GATAD2A: variants seen among roughly 807,000 people sequenced by gnomAD.
The protein encoded by GATAD2A is transcriptional repressor p66-alpha.
In GATAD2A, 12 loss-of-function variants were observed where a neutral mutation model predicts 68.5. The ratio of observed to expected loss-of-function variants is 0.18; its 90% confidence interval spans 0.11 to 0.28. GATAD2A has a LOEUF of 0.28. GATAD2A is among the 10% of genes least tolerant of loss of function. The pLI, the probability that GATAD2A is intolerant of heterozygous loss-of-function variation, is 1.00. For synonymous variants in GATAD2A, 410 were observed against 375.3 expected, an observed-to-expected ratio of 1.09 and a Z score of -1.07; for missense variants, 755 against 868.5, an observed-to-expected ratio of 0.87 and a Z score of 1.64.
At chr19:19,398,656 G>A (rs918070447) in intron 1 of GATAD2A, among the ~76,000 whole-genome samples, 2 of 151,764 alleles carry the variant, frequency 1.3e-5, no homozygotes, top group African/African-American at 4.8e-5. Flanking sequence ...ACTTACTTTC[G>A]GCTGGGTGTG....
intron 2 of GATAD2A, among the ~76,000 whole-genome samples, chr19:19,472,209 T>A (rs116890892): frequency 0.016 from 2,482 of 152,326 alleles, 80 homozygotes; most frequent in South Asian, 0.085. Context: ...CTTTCTGTTT[T>A]GTTTTTGTGA....
upstream of GATAD2A, chr19:19,401,914 C>T (rs1458719279): frequency 2.0e-5 from 3 of 152,106 alleles, no homozygotes; most frequent in Non-Finnish European, 4.4e-5. Flanking sequence ...GGGACAGGCT[C>T]AGGTGGTGTT....
Position 19,462,523 on chromosome 19 carries a change from T to TCAGTGC in GATAD2A, c.-6-2815_-6-2810dup, listed in dbSNP as rs1374444621. Among the ~76,000 whole-genome samples, 10 of 152,320 alleles carry TCAGTGC rather than the reference T, an allele frequency of 6.6e-5. No individual in the cohort carries two copies. In the East Asian group the frequency reaches 1.9e-3, roughly 29 times the overall value. ...CAGGCGGGCGCTGTGAGGCCAGCCG[T>TCAGTGC]CAGTGCCGGGCCTGGGATTGGCAGA... On this transcript the variant is annotated intron_variant, in intron 1 of 11. Coordinates refer to ENST00000683918, the MANE Select transcript of GATAD2A (RefSeq NM_001384528.1).
At chr19:19,418,734 A>G (rs1031105090) in intron 1 of GATAD2A, among the ~76,000 whole-genome samples, 1 of 152,138 alleles carries the variant, frequency 6.6e-6, no homozygotes, top group Non-Finnish European at 1.5e-5. Flanking sequence ...TGTTTCATGC[A>G]CTGCTCAAAT....
intron 1 of GATAD2A, among the ~76,000 whole-genome samples, chr19:19,419,177 C>G (rs2052024667): frequency 6.9e-6 from 1 of 145,486 alleles, no homozygotes; most frequent in East Asian, 1.9e-4. Flanking sequence ...GCACACACTC[C>G]CTGTCGAGGG....
At chr19:19,492,554 T>C in intron 3 of GATAD2A, 27 bp from the exon 4 acceptor site, 1 of 1,613,866 alleles carries the variant, frequency 6.2e-7, no homozygotes. Context: ...ACGCTCCCTC[T>C]CAACCCTGTT....
Position 19,507,211 on chromosome 19 carries a change from A to C in GATAD2A, c.*1737A>C, listed in dbSNP as rs1251489972. ...GATTTGGGGAAAAGGAAGGAATTTGATGTTTTTTGGGGTGGGAGGGGAGGG... is the reference window on the plus strand; with the variant it reads ...GATTTGGGGAAAAGGAAGGAATTTGCTGTTTTTTGGGGTGGGAGGGGAGGG... On this transcript the variant is annotated 3_prime_UTR_variant, in exon 12 of 12. Coordinates refer to ENST00000683918, the MANE Select transcript of GATAD2A (RefSeq NM_001384528.1). The C allele has an allele frequency of 1.8e-5, 2 of 110,816 alleles. No individual in the cohort carries two copies. The highest frequency in any genetic ancestry group is 3.5e-5 in the Non-Finnish European group (2 of 56,364). 6.9% of individuals were successfully genotyped at this position (110,816 alleles called of 1,614,324 possible).
chr19:19,505,952 T>C lies in GATAD2A; in HGVS notation c.*478T>C. 1 of 399,004 alleles carries C rather than the reference T, an allele frequency of 2.5e-6. No individual in the cohort carries two copies. The highest frequency in any genetic ancestry group is 4.4e-6 in the Non-Finnish European group (1 of 226,242). 24.7% of individuals were successfully genotyped at this position (399,004 alleles called of 1,614,324 possible). On this transcript the variant is annotated 3_prime_UTR_variant, in exon 12 of 12. Transcript: ENST00000683918. ...CTCCCAGTCTTTGACTGCCTTCCCA[T>C]GGCGATCTATAAGTTGAAAGATTTT...
Position 19,498,500 on chromosome 19 carries a change from C to T in GATAD2A, c.982C>T (p.Pro328Ser). The T allele has an allele frequency of 1.2e-6, 2 of 1,613,802 alleles. No individual in the cohort carries two copies. The highest frequency in any genetic ancestry group is 1.3e-5 in the African/African-American group (1 of 75,072). Residue 328 changes from proline (P) to serine (S), a missense_variant, in exon 8 of 12, where the codon CCC (proline) becomes TCC (serine). Pro to Ser is a moderately conservative substitution (Grantham distance 74). Coordinates refer to ENST00000683918, the MANE Select transcript of GATAD2A (RefSeq NM_001384528.1). ...TATSAQANST[P>S]TSVASVVTSA... ...CACCTCCGCTCAGGCCAACTCCACC[C>T]CCACTAGTGTGGCCTCTGTGGTCAC...
At chr19:19,477,427 T>C (rs1406420765) in intron 2 of GATAD2A, among the ~76,000 whole-genome samples, 1 of 152,164 alleles carries the variant, frequency 6.6e-6, no homozygotes, top group Non-Finnish European at 1.5e-5. Context: ...CTGATAGCTT[T>C]CGTACAAAGA....
intron 2 of GATAD2A, among the ~76,000 whole-genome samples, chr19:19,486,894 C>G (rs933573297): frequency 2.6e-5 from 4 of 152,348 alleles, no homozygotes; most frequent in Admixed American, 6.5e-5. Flanking sequence ...GTGTCACTTG[C>G]AAGAGGCAGA....
chr19:19,406,949 G>A (rs1444155949), intron 1 of GATAD2A, among the ~76,000 whole-genome samples: 1 of 152,172 alleles, frequency 6.6e-6, no homozygotes, highest in Non-Finnish European at 1.5e-5. Context: ...AACGTCTTTA[G>A]GTGTATAGTT....
At chr19:19,436,404 A>G (rs1202044383) in intron 1 of GATAD2A, among the ~76,000 whole-genome samples, 1 of 152,206 alleles carries the variant, frequency 6.6e-6, no homozygotes, top group Non-Finnish European at 1.5e-5. Flanking sequence ...CCGTCCCTTC[A>G]GGCCTCAGGG....
At position 19,414,613 on chromosome 19, in the gene GATAD2A, C is replaced by T. The variant is rs182865353; in HGVS notation, c.-7+8594C>T. On this transcript the variant is annotated intron_variant, in intron 1 of 11. Coordinates refer to ENST00000683918, the MANE Select transcript of GATAD2A (RefSeq NM_001384528.1). ...AGGGCAGTGGTGCAATCTCGGCTCACTGCAACCTCTGCATCACGGTTCAAG... is the reference window on the plus strand; with the variant it reads ...AGGGCAGTGGTGCAATCTCGGCTCATTGCAACCTCTGCATCACGGTTCAAG... Among the ~76,000 whole-genome samples, 389 of 140,354 alleles carry T rather than the reference C, an allele frequency of 2.8e-3. 2 individuals carry two copies. The highest frequency in any genetic ancestry group is 8.0e-3 in the Middle Eastern group (2 of 250). 92.1% of individuals were successfully genotyped at this position (140,354 alleles called of 152,430 possible).
chr19:19,437,367 C>T (rs181305666), intron 1 of GATAD2A, among the ~76,000 whole-genome samples: 1 of 152,254 alleles, frequency 6.6e-6, no homozygotes. Flanking sequence ...TGGGCTCAAG[C>T]GATTCTCCTG....
intron 1 of GATAD2A, among the ~76,000 whole-genome samples, chr19:19,455,770 G>C (rs967280512): frequency 8.5e-5 from 13 of 152,138 alleles, no homozygotes; most frequent in Admixed American, 7.2e-4. Context: ...AGGGACAGCT[G>C]TCCTGTCAGA....
At chr19:19,472,524 G>T in intron 2 of GATAD2A, 1 of 150,866 alleles carries the variant, frequency 6.6e-6, no homozygotes. Flanking sequence ...AGTAGAGACA[G>T]GGTTTCACCA....
chr19:19,493,734 G>T (rs965504399), intron 4 of GATAD2A, among the ~76,000 whole-genome samples: 1 of 28,320 alleles, frequency 3.5e-5, no homozygotes, highest in Admixed American at 3.5e-4. Flanking sequence ...CACTGCCCCC[G>T]CGCCCCCTCC....
intron 1 of GATAD2A, among the ~76,000 whole-genome samples, chr19:19,416,838 C>G (rs1156996310): frequency 1.3e-5 from 2 of 151,924 alleles, no homozygotes; most frequent in African/African-American, 4.8e-5. Context: ...TCTTGGCTCA[C>G]TGCAACCTTG....
Sources: gnomAD v4.1 joint callset for allele counts (sites outside exome capture counted in the v4.1 genomes callset) on GRCh38, gnomAD v4.1.1 for gene constraint, MANE v1.5 for transcripts, NCBI Gene and HGNC (gene_info 2026-07-23, HGNC 2026-07-21) for gene names.